The following UBE2Q2 variants were observed in gnomAD, a reference collection of about 807,000 sequenced individuals.
The protein encoded by UBE2Q2 is ubiquitin conjugating enzyme E2 Q2, also known as ubiquitin-conjugating enzyme E2 Q2.
Under a neutral mutation model 59.9 loss-of-function variants are expected in UBE2Q2, and 54 were observed. The ratio of observed to expected loss-of-function variants is 0.90; its 90% CI spans 0.72 to 1.13. The LOEUF (loss-of-function observed/expected upper bound fraction) is 1.13, where lower values mean the gene tolerates loss of function less well. Ranked by LOEUF, UBE2Q2 falls within the 50% of genes most tolerant of loss-of-function variation. The pLI is 0.00. For synonymous variants in UBE2Q2, 165 were observed against 155.2 expected (o/e 1.06, Z -0.47); for missense variants, 433 against 441.9 (o/e 0.98, Z 0.18).
intron 10 of UBE2Q2, 50 bp downstream of exon 10, chr15:75,890,533 TC>T (rs1430296500): frequency 6.6e-7 from 1 of 1,523,750 alleles, no homozygotes; most frequent in Non-Finnish European, 9.0e-7. Flanking sequence ...AGTGTTTTGA[TC>T]ATGTAAATTA....
intron 3 of UBE2Q2, among the ~76,000 whole-genome samples, chr15:75,863,043 G>C (rs911174304): frequency 6.6e-6 from 1 of 152,136 alleles, no homozygotes; most frequent in Non-Finnish European, 1.5e-5. Context: ...CTTAGGTTCT[G>C]CTTAAGGAGA....
intron 6 of UBE2Q2, among the ~76,000 whole-genome samples, chr15:75,877,123 C>T (rs1050267801): frequency 4.6e-5 from 6 of 131,700 alleles, no homozygotes; most frequent in Admixed American, 9.1e-5. Flanking sequence ...ATTGCACCAC[C>T]GCACTCCAGC....
chr15:75,891,229 T>C (rs1899084683), intron 11 of UBE2Q2, among the ~76,000 whole-genome samples: 1 of 152,202 alleles, frequency 6.6e-6, no homozygotes, highest in Non-Finnish European at 1.5e-5. Flanking sequence ...TATCTGTTTT[T>C]AGTCTGTTAT....
chr15:75,869,092 C>A, intron 4 of UBE2Q2, 82 bp downstream of exon 4: 3 of 1,164,932 alleles, frequency 2.6e-6, no homozygotes, highest in Non-Finnish European at 3.7e-6. Context: ...TTTTTATAGA[C>A]TACTATTAAT....
intron 1 of UBE2Q2, chr15:75,844,322 T>C (rs2141516069): frequency 1.3e-6 from 2 of 1,549,266 alleles, no homozygotes; most frequent in East Asian, 4.9e-5. Context: ...CAGCCAATTG[T>C]TTTTAAGTTT....
rs151121237 is a variant in UBE2Q2, at chr15:75,887,523, G to A, written c.885-2912G>A. ...AAGAGTTTTAGGAAATAGTGCTGAT[G>A]TAATATCTTGTACTTAAACAGGTCT... is the stretch of plus-strand genomic sequence containing the variant. On this transcript the variant is annotated intron_variant, in intron 9 of 12. Transcript: ENST00000267938. Among the ~76,000 whole-genome samples, 303 of 151,414 alleles carry A rather than the reference G, an allele frequency of 2.0e-3. 1 individual carries two copies. Among genetic ancestry groups the A allele is most frequent in the African/African-American group, 7.0e-3 (287 of 41,220 alleles).
At chr15:75,899,012 C>T (rs150678334) in intron 12 of UBE2Q2, among the ~76,000 whole-genome samples, 2,860 of 150,512 alleles carry the variant, frequency 0.019, 108 homozygotes, top group African/African-American at 0.067. Flanking sequence ...GTAATCCCAG[C>T]ACTTTGGGGA....
chr15:75,890,561 T>C, intron 10 of UBE2Q2, 78 bp downstream of exon 10: 3 of 1,255,044 alleles, frequency 2.4e-6, no homozygotes, highest in Non-Finnish European at 3.4e-6. Flanking sequence ...AAGTAGAAAA[T>C]TCTTTAATAG....
chr15:75,848,750 A>G (rs1363085867), intron 1 of UBE2Q2, among the ~76,000 whole-genome samples: 3 of 152,012 alleles, frequency 2.0e-5, no homozygotes, highest in Non-Finnish European at 4.4e-5. Context: ...TGGGGAATTG[A>G]GTTGAATGGA....
chr15:75,861,972 C>T (rs1204536131), intron 3 of UBE2Q2, among the ~76,000 whole-genome samples: 3 of 152,172 alleles, frequency 2.0e-5, no homozygotes, highest in African/African-American at 4.8e-5. Flanking sequence ...TTCATCTGGC[C>T]TTTCTCTCTG....
intron 1 of UBE2Q2, chr15:75,844,217 C>T: frequency 1.4e-6 from 2 of 1,471,726 alleles, no homozygotes; most frequent in South Asian, 2.7e-5. Context: ...GGCGGCGCAG[C>T]TCCGGCTGTT....
At chr15:75,891,331 G>A (rs1032507493) in intron 11 of UBE2Q2, among the ~76,000 whole-genome samples, 2 of 152,034 alleles carry the variant, frequency 1.3e-5, no homozygotes, top group African/African-American at 4.8e-5. Context: ...TTATTAGTAT[G>A]TATAGTGTAG....
chr15:75,867,279 T>C (rs1291522533), intron 3 of UBE2Q2, among the ~76,000 whole-genome samples: 1 of 152,236 alleles, frequency 6.6e-6, no homozygotes, highest in Non-Finnish European at 1.5e-5. Context: ...ATAGGGTTCC[T>C]ATATAGGAGA....
At chr15:75,873,375 A>G (rs1205865010) in intron 4 of UBE2Q2, 53 bp from the exon 5 acceptor site, 1 of 1,529,428 alleles carries the variant, frequency 6.5e-7, no homozygotes, top group Non-Finnish European at 8.8e-7. Flanking sequence ...TGGCATAAGA[A>G]ACTGCTGAAG....
intron 9 of UBE2Q2, among the ~76,000 whole-genome samples, chr15:75,884,044 C>T (rs937425027): frequency 6.6e-6 from 1 of 152,154 alleles, no homozygotes; most frequent in East Asian, 1.9e-4. Context: ...TGGCTAATTA[C>T]TCCTAGAGGT....
intron 9 of UBE2Q2, among the ~76,000 whole-genome samples, chr15:75,888,066 A>G (rs781185915): frequency 6.6e-6 from 1 of 152,226 alleles, no homozygotes; most frequent in African/African-American, 2.4e-5. Flanking sequence ...GACATAGCCA[A>G]ACATTTTTTA....
At chr15:75,857,102 C>T (rs1166466888) in intron 2 of UBE2Q2, among the ~76,000 whole-genome samples, 2 of 152,144 alleles carry the variant, frequency 1.3e-5, no homozygotes, top group Admixed American at 6.5e-5. Flanking sequence ...TTCTCTCTCT[C>T]TCTGTACACA....
chr15:75,859,299 C>T (rs1187101222), intron 2 of UBE2Q2, among the ~76,000 whole-genome samples: 3 of 151,938 alleles, frequency 2.0e-5, no homozygotes, highest in African/African-American at 4.8e-5. Flanking sequence ...TAATCTTTAC[C>T]ATTCTGGGAA....
At chr15:75,886,158 TGCCCAGGCTGGA>T (rs1475841263) in intron 9 of UBE2Q2, among the ~76,000 whole-genome samples, 1 of 151,940 alleles carries the variant, frequency 6.6e-6, no homozygotes, top group Non-Finnish European at 1.5e-5. Flanking sequence ...CTCACTCTGT[TGCCCAGGCTGGA>T]GTGCAGTGGC....
Sources: gnomAD v4.1 joint callset for allele counts (sites outside exome capture counted in the v4.1 genomes callset) on GRCh38, gnomAD v4.1.1 for gene constraint, MANE v1.5 for transcripts, NCBI Gene and HGNC (gene_info 2026-07-23, HGNC 2026-07-21) for gene names.